The following ST6GALNAC3 variants were observed in gnomAD, a reference collection of about 807,000 sequenced individuals.
ST6GALNAC3 encodes alpha-N-acetylgalactosaminide alpha-2,6-sialyltransferase 3.
In ST6GALNAC3, 25 loss-of-function variants were observed where a neutral mutation model predicts 32.7. The observed-to-expected ratio is 0.76, with a 90% CI of 0.56 to 1.07. ST6GALNAC3 has a LOEUF of 1.07. Among genes scored for constraint, ST6GALNAC3 ranks in the 50% least tolerant of loss-of-function variants. The pLI is 0.00. For synonymous variants in ST6GALNAC3, 129 were observed against 133.1 expected (o/e 0.97, Z 0.21); for missense variants, 355 against 382.4 (o/e 0.93, Z 0.60).
At chr1:76,593,971 C>A (rs1190556238) in intron 3 of ST6GALNAC3, among the ~76,000 whole-genome samples, 1 of 152,098 alleles carries the variant, frequency 6.6e-6, no homozygotes. Flanking sequence ...CAGAGCCCAT[C>A]ACAAGTAGCA....
chr1:76,404,930 A>G (rs758692884), intron 2 of ST6GALNAC3, among the ~76,000 whole-genome samples: 1 of 152,130 alleles, frequency 6.6e-6, no homozygotes, highest in Non-Finnish European at 1.5e-5. Context: ...TTCAATTGAA[A>G]TGATTTTCAT....
intron 1 of ST6GALNAC3, among the ~76,000 whole-genome samples, chr1:76,209,882 T>G (rs1426321641): frequency 6.6e-6 from 1 of 152,146 alleles, no homozygotes; most frequent in Non-Finnish European, 1.5e-5. Flanking sequence ...TGGGGTTTAT[T>G]TTGGCTCCTG....
chr1:76,418,451 C>G (rs986885589), intron 3 of ST6GALNAC3, among the ~76,000 whole-genome samples: 1 of 151,990 alleles, frequency 6.6e-6, no homozygotes, highest in Non-Finnish European at 1.5e-5. Context: ...CCATGGGGTA[C>G]AGAAATGTGC....
intron 3 of ST6GALNAC3, among the ~76,000 whole-genome samples, chr1:76,570,641 T>C (rs315017): frequency 0.13 from 20,033 of 152,090 alleles, 2,458 homozygotes; most frequent in African/African-American, 0.32. Context: ...TGACATCTTA[T>C]GTTGCTAAGG....
At chr1:76,496,437 A>G (rs533708999) in intron 3 of ST6GALNAC3, among the ~76,000 whole-genome samples, 123 of 152,144 alleles carry the variant, frequency 8.1e-4, no homozygotes, top group Non-Finnish European at 1.3e-3. Flanking sequence ...ATCTTTATTC[A>G]TTGTTTCAAT....
chr1:76,409,148 A>G (rs911097291), intron 2 of ST6GALNAC3, among the ~76,000 whole-genome samples: 21 of 152,172 alleles, frequency 1.4e-4, no homozygotes, highest in African/African-American at 4.6e-4. Flanking sequence ...AGTCTTCACT[A>G]TGGCACTAAC....
intron 1 of ST6GALNAC3, among the ~76,000 whole-genome samples, chr1:76,186,907 T>C (rs1215750340): frequency 6.6e-6 from 1 of 152,206 alleles, no homozygotes. Context: ...AGATGAGCAG[T>C]GTTTTCACCT....
At chr1:76,503,851 G>T (rs866733411) in intron 3 of ST6GALNAC3, among the ~76,000 whole-genome samples, 7 of 152,082 alleles carry the variant, frequency 4.6e-5, no homozygotes, top group Non-Finnish European at 1.0e-4. Context: ...TCACTTTCTG[G>T]GTTGGTTGTC....
At chr1:76,093,785 G>C (rs967942316) in intron 1 of ST6GALNAC3, among the ~76,000 whole-genome samples, 1 of 152,118 alleles carries the variant, frequency 6.6e-6, no homozygotes, top group African/African-American at 2.4e-5. Flanking sequence ...CCTTCCCACA[G>C]TTTCCCATCC....
intron 3 of ST6GALNAC3, among the ~76,000 whole-genome samples, chr1:76,556,830 C>A (rs1320395075): frequency 6.6e-6 from 1 of 152,060 alleles, no homozygotes; most frequent in African/African-American, 2.4e-5. Context: ...TATCTTTTCA[C>A]TTTCTTGCCA....
intron 3 of ST6GALNAC3, among the ~76,000 whole-genome samples, chr1:76,495,221 G>A (rs1660778799): frequency 6.6e-6 from 1 of 152,104 alleles, no homozygotes. Flanking sequence ...ACCGTAACAT[G>A]TACATACTGT....
At chr1:76,560,880 A>C (rs567828575) in intron 3 of ST6GALNAC3, among the ~76,000 whole-genome samples, 1 of 152,336 alleles carries the variant, frequency 6.6e-6, no homozygotes, top group East Asian at 1.9e-4. Context: ...AGATATCTGC[A>C]TTCCCATGTT....
At chr1:76,446,215 G>A (rs954090921) in intron 3 of ST6GALNAC3, among the ~76,000 whole-genome samples, 42 of 152,120 alleles carry the variant, frequency 2.8e-4, no homozygotes, top group African/African-American at 1.0e-3. Flanking sequence ...CAGCAAAACT[G>A]AAAGGAAAGT....
intron 1 of ST6GALNAC3, among the ~76,000 whole-genome samples, chr1:76,296,326 A>C (rs1660403743): frequency 6.6e-6 from 1 of 152,116 alleles, no homozygotes; most frequent in Non-Finnish European, 1.5e-5. Flanking sequence ...TGAGTACTGT[A>C]GCTCTGAGTT....
chr1:76,273,981 C>T (rs938579910), intron 1 of ST6GALNAC3, among the ~76,000 whole-genome samples: 1 of 152,092 alleles, frequency 6.6e-6, no homozygotes, highest in African/African-American at 2.4e-5. Context: ...TCCCATTTAT[C>T]ACAGAAACTT....
At chr1:76,484,754 A>G (rs1659983857) in intron 3 of ST6GALNAC3, among the ~76,000 whole-genome samples, 1 of 152,146 alleles carries the variant, frequency 6.6e-6, no homozygotes, top group South Asian at 2.1e-4. Context: ...AACTTCCAAC[A>G]CTATACTGAA....
chr1:76,299,506 G>A (rs550966794), intron 1 of ST6GALNAC3, among the ~76,000 whole-genome samples: 11 of 152,074 alleles, frequency 7.2e-5, no homozygotes, highest in African/African-American at 2.7e-4. Flanking sequence ...GCCTTTAGGG[G>A]TTGTAAAAGT....
At chr1:76,323,121 G>T (rs964432597) in intron 2 of ST6GALNAC3, among the ~76,000 whole-genome samples, 1 of 152,048 alleles carries the variant, frequency 6.6e-6, no homozygotes, top group Admixed American at 6.6e-5. Context: ...GAACATTTAT[G>T]AATCCCAAAG....
chr1:76,440,716 G>C (rs1656515247), intron 3 of ST6GALNAC3, among the ~76,000 whole-genome samples: 1 of 152,208 alleles, frequency 6.6e-6, no homozygotes, highest in Non-Finnish European at 1.5e-5. Flanking sequence ...TTTATCATGA[G>C]AGTCCCTGTC....
Sources: allele counts gnomAD v4.1 joint callset (sites outside exome capture counted in the v4.1 genomes callset), GRCh38; gene constraint gnomAD v4.1.1; transcripts MANE v1.5; gene names NCBI Gene and HGNC (gene_info 2026-07-23, HGNC 2026-07-21).